Variants in PRMT8 observed in about 807,000 individuals in gnomAD.
The protein encoded by PRMT8 is protein arginine methyltransferase 8.
PRMT8 carries 7 observed loss-of-function variants against 47.1 expected under a neutral mutation model. The ratio of observed to expected loss-of-function variants is 0.15; its 90% CI spans 0.08 to 0.28. The LOEUF is 0.28. PRMT8 is among the 10% of genes least tolerant of loss of function. The pLI, the probability that PRMT8 is intolerant of heterozygous loss-of-function variation, is 1.00. For missense variants in PRMT8, 237 were observed against 505.4 expected, an observed-to-expected ratio of 0.47 and a Z score of 5.09; for synonymous variants, 188 against 186.5, an observed-to-expected ratio of 1.01 and a Z score of -0.07.
Position 3,569,714 on chromosome 12 carries a change from T to C in PRMT8, c.712+150T>C. 1 of 684,816 alleles carries C rather than the reference T, an allele frequency of 1.5e-6. No individual in the cohort carries two copies. Among genetic ancestry groups the C allele is most frequent in the East Asian group, 2.7e-5 (1 of 37,288 alleles). 42.4% of individuals were successfully genotyped at this position (684,816 alleles called of 1,614,324 possible). A position where few individuals can be genotyped will look rare whatever the true frequency, so the allele number is the denominator to read the frequency against. On this transcript the variant is annotated intron_variant, in intron 6 of 9. Transcript: ENST00000382622. The surrounding 1 kb of genome is among the most constrained non-coding windows in gnomAD (Gnocchi z 8.2). ...CTGGGACCCTTTCTGGAGTCTGCTCTCTAAATGTTTCTATCTAGTCCCAAG... is the reference window on the plus strand; with the variant it reads ...CTGGGACCCTTTCTGGAGTCTGCTCCCTAAATGTTTCTATCTAGTCCCAAG...
chr12:3,402,063 C>T (rs745850925), intron 1 of PRMT8, among the ~76,000 whole-genome samples: 99 of 152,142 alleles, frequency 6.5e-4, no homozygotes, highest in African/African-American at 2.3e-3. Context: ...AGGCATCACC[C>T]TACCCAACTT....
chr12:3,383,186 G>A (rs1864108639), intron 1 of PRMT8, among the ~76,000 whole-genome samples: 1 of 152,052 alleles, frequency 6.6e-6, no homozygotes, highest in Admixed American at 6.5e-5. Flanking sequence ...TTTCAAAATT[G>A]TTTTAGCTAT....
chr12:3,414,136 T>A (rs1864461107), intron 1 of PRMT8, among the ~76,000 whole-genome samples: 1 of 152,200 alleles, frequency 6.6e-6, no homozygotes, highest in African/African-American at 2.4e-5. Flanking sequence ...ATATGGATAT[T>A]TTGTATTTTA....
At chr12:3,471,265 G>A (rs145605758) in intron 1 of PRMT8, among the ~76,000 whole-genome samples, 2 of 152,212 alleles carry the variant, frequency 1.3e-5, no homozygotes, top group African/African-American at 2.4e-5. Flanking sequence ...AAGAGTGGGA[G>A]TGCGGTGGCT....
intron 1 of PRMT8, among the ~76,000 whole-genome samples, chr12:3,429,024 C>G (rs1179499276): frequency 6.6e-6 from 1 of 152,136 alleles, no homozygotes; most frequent in Non-Finnish European, 1.5e-5. Context: ...GACTCTCTCT[C>G]TCTCTATCTC....
intron 1 of PRMT8, among the ~76,000 whole-genome samples, chr12:3,396,952 TTTCA>T (rs1399022385): frequency 6.6e-6 from 1 of 152,008 alleles, no homozygotes; most frequent in African/African-American, 2.4e-5. Context: ...TCTCACTTCA[TTTCA>T]TTCATTTCAT....
At chr12:3,579,293 C>T (rs1867007378) in intron 7 of PRMT8, among the ~76,000 whole-genome samples, 1 of 152,128 alleles carries the variant, frequency 6.6e-6, no homozygotes, top group Non-Finnish European at 1.5e-5. Context: ...CTCTCTGCCC[C>T]TGACCCAGGC....
At chr12:3,511,835 G>C (rs1865718828) in intron 1 of PRMT8, among the ~76,000 whole-genome samples, 2 of 152,238 alleles carry the variant, frequency 1.3e-5, no homozygotes, top group Non-Finnish European at 2.9e-5. Context: ...AAAGATTTGA[G>C]TTTCAAATCC....
chr12:3,497,023 T>A (rs773154997), intron 1 of PRMT8, among the ~76,000 whole-genome samples: 5 of 150,064 alleles, frequency 3.3e-5, no homozygotes, highest in Admixed American at 1.3e-4. Flanking sequence ...AATTCAGGAG[T>A]GGGTTTCATT....
At chr12:3,417,232 G>A (rs1195720767) in intron 1 of PRMT8, among the ~76,000 whole-genome samples, 1 of 152,158 alleles carries the variant, frequency 6.6e-6, no homozygotes, top group Admixed American at 6.5e-5. Flanking sequence ...GAAAGGATTT[G>A]GAGTCTATCA....
intron 8 of PRMT8, among the ~76,000 whole-genome samples, chr12:3,587,962 C>CCCCCA (rs1158889128): frequency 2.0e-5 from 3 of 152,114 alleles, no homozygotes; most frequent in Non-Finnish European, 2.9e-5. Context: ...CACGGTGCCC[C>CCCCCA]CCCCACCACA....
chr12:3,456,703 G>A lies in PRMT8; in HGVS notation c.48+75261G>A, dbSNP rs775714195. Among the ~76,000 whole-genome samples the A allele has an allele frequency of 2.0e-5, 3 of 152,202 alleles. No individual in the cohort carries two copies. The highest frequency in any genetic ancestry group is 2.9e-5 in the Non-Finnish European group (2 of 68,044). On this transcript the variant is annotated intron_variant, in intron 1 of 9. Coordinates refer to the PRMT8 transcript ENST00000452611. The surrounding 1 kb of genome is among the most constrained non-coding windows in gnomAD (Gnocchi z 4.2). ...GGGTGAGCTAGTTTGGCCTGGAGGG[G>A]AGGGCAGTGAGGAACCCGTGAGAAG... is the stretch of plus-strand genomic sequence containing the variant.
chr12:3,541,394 G>A (rs1291528678), intron 2 of PRMT8, among the ~76,000 whole-genome samples: 2 of 152,214 alleles, frequency 1.3e-5, no homozygotes, highest in Non-Finnish European at 2.9e-5. Flanking sequence ...CCTGGCCATA[G>A]TGGGGGCCTA....
intron 1 of PRMT8, among the ~76,000 whole-genome samples, chr12:3,434,799 A>G (rs1428991875): frequency 6.6e-6 from 1 of 150,628 alleles, no homozygotes; most frequent in Non-Finnish European, 1.5e-5. Context: ...AGGGTGCAAG[A>G]GTTTACATGA....
Position 3,569,099 on chromosome 12 carries a change from G to A in PRMT8, c.624+251G>A, listed in dbSNP as rs145145260. On this transcript the variant is annotated intron_variant, in intron 5 of 9. Coordinates refer to ENST00000382622, the MANE Select transcript of PRMT8 (RefSeq NM_019854.5). This position sits in a 1 kb window ranked among gnomAD's most constrained non-coding sequence, Gnocchi z 8.2. ...GCCTCTTTTGCAATAACAGACATCC[G>A]TTCTCTCTTGTCGAGTTAAAGGTCC... is the stretch of plus-strand genomic sequence containing the variant. Among the ~76,000 whole-genome samples the A allele has an allele frequency of 1.4e-3, 212 of 152,258 alleles. No individual in the cohort carries two copies. The highest frequency in any genetic ancestry group is 4.2e-3 in the African/African-American group (176 of 41,552).
intron 1 of PRMT8, among the ~76,000 whole-genome samples, chr12:3,475,438 G>A (rs1292626750): frequency 6.6e-6 from 1 of 152,164 alleles, no homozygotes; most frequent in Non-Finnish European, 1.5e-5. Context: ...TTTCAGGCAG[G>A]ACAGAGAGTC....
At chr12:3,477,288 G>A (rs1376772545) in intron 1 of PRMT8, among the ~76,000 whole-genome samples, 4 of 152,262 alleles carry the variant, frequency 2.6e-5, no homozygotes, top group South Asian at 2.1e-4. Flanking sequence ...CTTAACGAGT[G>A]TGTAGGCACC....
rs113330317 is a variant in PRMT8, at chr12:3,457,574, G to T, written c.48+76132G>T. Among the ~76,000 whole-genome samples the T allele has an allele frequency of 8.1e-3, 1,231 of 152,258 alleles. 16 individuals carry two copies. The highest frequency in any genetic ancestry group is 0.028 in the African/African-American group (1,165 of 41,550). On this transcript the variant is annotated intron_variant, in intron 1 of 9. Transcript: ENST00000452611. ...TCCTCCCACCTCAGCCTCGCAAAGA[G>T]CTGGGATTGCAGGCGTGAGCCACCA...
chr12:3,496,214 A>ATATATATATATATATATATATATTT, intron 1 of PRMT8, among the ~76,000 whole-genome samples: 1 of 27,772 alleles, frequency 3.6e-5, no homozygotes, highest in African/African-American at 8.8e-5. Context: ...ATATATATAT[A>ATATATATATATATATATATATATTT]TTTTTTTTTT....
Sources: allele counts gnomAD v4.1 joint callset (sites outside exome capture counted in the v4.1 genomes callset), GRCh38; gene constraint gnomAD v4.1.1; non-coding constraint Gnocchi (gnomAD v3.1); transcripts MANE v1.5; gene names NCBI Gene and HGNC (gene_info 2026-07-23, HGNC 2026-07-21).